The following CIDEA variants were observed in gnomAD, a reference collection of about 807,000 sequenced individuals.
CIDEA encodes cell death inducing DFFA like effector a, also known as lipid transferase CIDEA.
CIDEA carries 10 observed loss-of-function variants against 18.2 expected under a neutral mutation model. The ratio of observed to expected loss-of-function variants is 0.55; its 90% CI spans 0.34 to 0.93. CIDEA has a LOEUF of 0.93. Among genes scored for constraint, CIDEA ranks in the 40% least tolerant of loss-of-function variants. CIDEA has a pLI of 0.02. For synonymous variants in CIDEA, 128 were observed against 124.8 expected (o/e 1.03, Z -0.17); for missense variants, 309 against 293.1 (o/e 1.05, Z -0.40).
At chr18:12,266,762 A>ATTT (rs11461531) in intron 3 of CIDEA, among the ~76,000 whole-genome samples, 1 of 141,818 alleles carries the variant, frequency 7.1e-6, no homozygotes, top group Non-Finnish European at 1.5e-5. Flanking sequence ...TGCACAAGTC[A>ATTT]TTTTTTTTTT....
intron 1 of CIDEA, among the ~76,000 whole-genome samples, chr18:12,258,108 C>T (rs1912088850): frequency 6.6e-6 from 1 of 152,190 alleles, no homozygotes; most frequent in Admixed American, 6.5e-5. Context: ...CTCTGTGCCC[C>T]CACCAGCCTT....
chr18:12,269,765 T>C (rs1912461071), intron 3 of CIDEA, among the ~76,000 whole-genome samples: 1 of 152,194 alleles, frequency 6.6e-6, no homozygotes, highest in African/African-American at 2.4e-5. Context: ...TGGCGTTATC[T>C]TGGTTCACTG....
At chr18:12,264,541 A>G (rs919381002) in intron 3 of CIDEA, 88 bp downstream of exon 3, 44 of 966,866 alleles carry the variant, frequency 4.6e-5, no homozygotes, top group Non-Finnish European at 6.4e-5. Context: ...TGACTTGTCC[A>G]CTTTCTTTCT....
intron 4 of CIDEA, 99 bp from the exon 5 acceptor site, chr18:12,277,024 G>C (rs994387354): frequency 7.4e-7 from 1 of 1,353,402 alleles, no homozygotes; most frequent in Non-Finnish European, 1.0e-6. Context: ...GGCCTCCTCC[G>C]AGTGCCTTTT....
chr18:12,255,094 A>G, intron 1 of CIDEA: 1 of 400,988 alleles, frequency 2.5e-6, no homozygotes, highest in South Asian at 2.6e-5. Flanking sequence ...GTGGTCGAAC[A>G]GGCAGCATTG....
Position 12,254,710 on chromosome 18 carries a change from C to G in CIDEA, c.38+289C>G, listed in dbSNP as rs771434912. ...CTCTTGCGAGGTGCGCGGGCGTCTG[C>G]AAACCAGGTGACAGCTGGCGAGTGG... On this transcript the variant is annotated intron_variant, in intron 1 of 4. Coordinates refer to ENST00000320477, the MANE Select transcript of CIDEA (RefSeq NM_001279.4). The G allele has an allele frequency of 2.7e-6, 4 of 1,490,294 alleles. No individual in the cohort carries two copies. The South Asian group carries it at 4.8e-5, about 18-fold the overall frequency. 92.3% of individuals were successfully genotyped at this position (1,490,294 alleles called of 1,614,324 possible). A position where few individuals can be genotyped will look rare whatever the true frequency, so the allele number is the denominator to read the frequency against.
intron 1 of CIDEA, among the ~76,000 whole-genome samples, chr18:12,259,584 G>A (rs1912132186): frequency 6.6e-6 from 1 of 152,208 alleles, no homozygotes; most frequent in Admixed American, 6.5e-5. Flanking sequence ...TTGAATTAAT[G>A]GGCATGGTGG....
chr18:12,264,217 T>C, intron 2 of CIDEA, 90 bp from the exon 3 acceptor site: 2 of 1,299,560 alleles, frequency 1.5e-6, no homozygotes, highest in East Asian at 2.6e-5. Flanking sequence ...AGCCCAACAC[T>C]TTTGAAAACT....
At chr18:12,275,992 TC>T (rs1905316896) in intron 4 of CIDEA, among the ~76,000 whole-genome samples, 4 of 63,534 alleles carry the variant, frequency 6.3e-5, no homozygotes, top group Non-Finnish European at 8.8e-5. Flanking sequence ...CTTTTTCTTT[TC>T]TTATTTTTTT....
intron 3 of CIDEA, among the ~76,000 whole-genome samples, chr18:12,272,164 G>T (rs7236988): frequency 3.8e-4 from 11 of 29,074 alleles, no homozygotes; most frequent in Non-Finnish European, 5.1e-4. Flanking sequence ...GGGGGGGGTT[G>T]GGGGGGGGTT....
intron 1 of CIDEA, among the ~76,000 whole-genome samples, chr18:12,261,058 G>A (rs1479377443): frequency 6.6e-6 from 1 of 152,126 alleles, no homozygotes; most frequent in Non-Finnish European, 1.5e-5. Context: ...TGTGTTATTT[G>A]CAATCATTTT....
chr18:12,254,838 G>T (rs769003194), intron 1 of CIDEA: 1 of 1,336,322 alleles, frequency 7.5e-7, no homozygotes, highest in Non-Finnish European at 9.9e-7. Flanking sequence ...CCGGGCTTCT[G>T]GGGGTCCTGG....
At chr18:12,273,520 A>G (rs1598782584) in intron 3 of CIDEA, among the ~76,000 whole-genome samples, 2 of 152,144 alleles carry the variant, frequency 1.3e-5, no homozygotes, top group Non-Finnish European at 2.9e-5. Context: ...CCTCCCACCC[A>G]GGGGTTCTGC....
At chr18:12,276,195 T>C (rs137947224) in intron 4 of CIDEA, among the ~76,000 whole-genome samples, 6 of 152,136 alleles carry the variant, frequency 3.9e-5, no homozygotes, top group African/African-American at 1.4e-4. Flanking sequence ...GGTTTCACCA[T>C]GTTGGCCAGG....
chr18:12,268,128 G>A (rs895286019), intron 3 of CIDEA, among the ~76,000 whole-genome samples: 1 of 151,372 alleles, frequency 6.6e-6, no homozygotes, highest in Non-Finnish European at 1.5e-5. Context: ...GCAGTGGCGC[G>A]ATCTCGGCTC....
intron 1 of CIDEA, among the ~76,000 whole-genome samples, chr18:12,259,931 G>A (rs151149827): frequency 1.3e-5 from 2 of 152,282 alleles, no homozygotes; most frequent in African/African-American, 4.8e-5. Context: ...GCTGGCCATG[G>A]TGCTTAGATG....
At chr18:12,268,968 G>A (rs1912438931) in intron 3 of CIDEA, among the ~76,000 whole-genome samples, 1 of 151,924 alleles carries the variant, frequency 6.6e-6, no homozygotes, top group Non-Finnish European at 1.5e-5. Context: ...TGGGATTACA[G>A]GTGCCTGCCA....
At chr18:12,274,868 A>C (rs1161115869) in intron 4 of CIDEA, among the ~76,000 whole-genome samples, 1 of 152,218 alleles carries the variant, frequency 6.6e-6, no homozygotes, top group African/African-American at 2.4e-5. Flanking sequence ...CCATGTGATC[A>C]AAAGGAGCCT....
At chr18:12,264,964 AG>A (rs1258442179) in intron 3 of CIDEA, among the ~76,000 whole-genome samples, 1 of 152,230 alleles carries the variant, frequency 6.6e-6, no homozygotes, top group African/African-American at 2.4e-5. Context: ...CTGTGAACTG[AG>A]GCTATTTGAT....
Sources: allele counts gnomAD v4.1 joint callset (sites outside exome capture counted in the v4.1 genomes callset), GRCh38; gene constraint gnomAD v4.1.1; transcripts MANE v1.5; gene names NCBI Gene and HGNC (gene_info 2026-07-23, HGNC 2026-07-21).